The following TARS3 variants were observed in gnomAD, a reference collection of about 807,000 sequenced individuals.
TARS3 encodes the protein threonine--tRNA ligase 2, cytoplasmic.
Under a neutral mutation model 103.5 loss-of-function variants are expected in TARS3, and 94 were observed. The observed-to-expected ratio is 0.91, with a 90% CI of 0.77 to 1.08. The LOEUF (loss-of-function observed/expected upper bound fraction) is 1.08, where lower values mean the gene tolerates loss of function less well. TARS3 is among the 50% of genes least tolerant of loss of function. The probability of loss-of-function intolerance (pLI) is 0.00; values close to 1 mark genes in which losing one functional copy is unlikely to be tolerated. For missense variants in TARS3, 952 were observed against 995.2 expected (o/e 0.96, Z 0.58); for synonymous variants, 416 against 355.4 (o/e 1.17, Z -1.92).
In TARS3 at chr15:101,711,758, G is replaced by A. The variant is rs12101987; in HGVS notation, c.812+122C>T. 1.5e-3 allele frequency: 1,788 copies of A among 1,174,760 alleles called. 10 individuals carry two copies. The African/African-American group carries it at 0.02, about 13-fold the overall frequency. 72.8% of individuals were successfully genotyped at this position (1,174,760 alleles called of 1,614,324 possible). The stretch of plus-strand genomic sequence containing the variant: ...TCGGATTTTCAACTGCATGGGCGTC[G>A]GTGCCCCTAACCCCACATTATGTAA... On this transcript the variant is annotated intron_variant, in intron 5 of 18. Transcript: ENST00000335968.
chr15:101,655,890 C>A, intron 18 of TARS3: 1 of 1,288,462 alleles, frequency 7.8e-7, no homozygotes, highest in Non-Finnish European at 1.0e-6. Context: ...GAGTGGACAC[C>A]AGACCCATGC....
At chr15:101,723,188 T>A in intron 1 of TARS3, 24 bp from the exon 2 acceptor site, 2 of 1,600,078 alleles carry the variant, frequency 1.2e-6, no homozygotes, top group East Asian at 4.5e-5. Flanking sequence ...TATAAATGAC[T>A]CACATCAATG....
intron 4 of TARS3, among the ~76,000 whole-genome samples, chr15:101,712,365 G>C (rs1899911177): frequency 1.3e-5 from 2 of 152,188 alleles, no homozygotes; most frequent in South Asian, 4.1e-4. Context: ...GTAGGAGGAA[G>C]GCCGAGGAGT....
intron 10 of TARS3, among the ~76,000 whole-genome samples, chr15:101,687,060 C>T (rs556080546): frequency 2.0e-5 from 3 of 152,206 alleles, no homozygotes; most frequent in East Asian, 3.9e-4. Context: ...GCTTAGGTCT[C>T]GGCCATTCAG....
At chr15:101,715,357 G>A (rs1049887624) in intron 3 of TARS3, among the ~76,000 whole-genome samples, 6 of 151,674 alleles carry the variant, frequency 4.0e-5, no homozygotes, top group Non-Finnish European at 7.4e-5. Context: ...CGTTTTAGCC[G>A]GGATGGTCTC....
chr15:101,714,220 G>A lies in TARS3; in HGVS notation c.690+620C>T, dbSNP rs574395161. ...CCTATACATATTAAATTATAAAGTA[G>A]ACCCATTTTTAATGGCCTACTAACA... On this transcript the variant is annotated intron_variant, in intron 4 of 18. Coordinates refer to ENST00000335968, the MANE Select transcript of TARS3 (RefSeq NM_152334.3). 3.3e-5 allele frequency among the ~76,000 whole-genome samples: 5 copies of A among 152,104 alleles called. No homozygotes were observed. The South Asian group carries it at 1.0e-3, about 32-fold the overall frequency.
chr15:101,714,203 T>C (rs534633519), intron 4 of TARS3, among the ~76,000 whole-genome samples: 1 of 152,318 alleles, frequency 6.6e-6, no homozygotes, highest in African/African-American at 2.4e-5. Flanking sequence ...CTCCTATACA[T>C]ATTAAATTAT....
intron 10 of TARS3, among the ~76,000 whole-genome samples, chr15:101,695,171 T>C (rs140010534): frequency 0.01 from 1,554 of 152,332 alleles, 15 homozygotes; most frequent in Middle Eastern, 0.02. Context: ...ATTCAGTGAC[T>C]GTTGACAAAT....
At chr15:101,722,848 A>C (rs1900555818) in intron 2 of TARS3, among the ~76,000 whole-genome samples, 1 of 151,800 alleles carries the variant, frequency 6.6e-6, no homozygotes, top group Non-Finnish European at 1.5e-5. Flanking sequence ...AACCAAACAA[A>C]AAAAACCAAC....
rs1900575942 is a variant in TARS3 at position 101,723,158 on chromosome 15, G to C, written c.304C>G (p.Pro102Ala). Residue 102 changes from proline (P) to alanine (A), a missense_variant, in exon 2 of 19, where the codon CCT (proline) becomes GCT (alanine). Coordinates refer to ENST00000335968, the MANE Select transcript of TARS3 (RefSeq NM_152334.3). ...ATGTCCTTGTCTTGGCTTTGACTAG[G>C]AGGAGGCTGAAAGATAAATTATAAA... ...AAQEAGAQPP[P>A]SQSQDKDMKK... The C allele has an allele frequency of 1.9e-6, 3 of 1,613,534 alleles. No homozygotes were observed. In the African/African-American group the frequency reaches 4.0e-5, roughly 22 times the overall value.
chr15:101,682,453 T>C (rs965457301), intron 12 of TARS3, among the ~76,000 whole-genome samples: 1 of 152,184 alleles, frequency 6.6e-6, no homozygotes, highest in South Asian at 2.1e-4. Context: ...CAATGATTCA[T>C]TTTCTAATGT....
intron 6 of TARS3, among the ~76,000 whole-genome samples, chr15:101,707,645 A>G (rs907841531): frequency 2.6e-5 from 4 of 152,124 alleles, no homozygotes; most frequent in Admixed American, 2.6e-4. Flanking sequence ...TGCCTGGAGG[A>G]ACCAAATTCA....
chr15:101,654,872 ATAGT>A (rs1897140189), intron 18 of TARS3, 142 bp from the exon 19 acceptor site: 6 of 802,922 alleles, frequency 7.5e-6, no homozygotes, highest in African/African-American at 3.5e-5. Flanking sequence ...TCATCCTCTG[ATAGT>A]TAAGTTTCTT....
At position 101,668,169 on chromosome 15, in the gene TARS3, T is replaced by C. The variant is rs570520094; in HGVS notation, c.1967+3317A>G. ...TAACTGGTGCAAGAGGCCGAGCTTTTGGCCTATCTGGGCTTTCAACAGTCC... is the reference window on the plus strand; with the variant it reads ...TAACTGGTGCAAGAGGCCGAGCTTTCGGCCTATCTGGGCTTTCAACAGTCC... On this transcript the variant is annotated intron_variant, in intron 15 of 18. Transcript: ENST00000335968. Among the ~76,000 whole-genome samples, 82 of 152,232 alleles carry C rather than the reference T, an allele frequency of 5.4e-4. 1 individual carries two copies. The highest frequency in any genetic ancestry group is 1.1e-3 in the Non-Finnish European group (72 of 68,042).
chr15:101,682,327 T>G (rs1204972621), intron 12 of TARS3, among the ~76,000 whole-genome samples: 1 of 152,218 alleles, frequency 6.6e-6, no homozygotes, highest in East Asian at 1.9e-4. Flanking sequence ...AGAGTTTTTA[T>G]GAGATATGGA....
chr15:101,701,951 T>G (rs1410474386), intron 9 of TARS3, among the ~76,000 whole-genome samples: 1 of 152,188 alleles, frequency 6.6e-6, no homozygotes, highest in Non-Finnish European at 1.5e-5. Flanking sequence ...AATTTTTTTG[T>G]ATTTCTAGTA....
chr15:101,722,575 G>A (rs958353440), intron 2 of TARS3, among the ~76,000 whole-genome samples: 2 of 148,434 alleles, frequency 1.3e-5, no homozygotes, highest in African/African-American at 5.0e-5. Flanking sequence ...GGGAAGCCAA[G>A]GTGGGCGGAT....
chr15:101,718,305 T>G (rs1199468268), intron 3 of TARS3, among the ~76,000 whole-genome samples: 1 of 151,158 alleles, frequency 6.6e-6, no homozygotes, highest in African/African-American at 2.4e-5. Context: ...AGGGCGGAGG[T>G]TGTGGTGAGC....
At chr15:101,691,745 A>G (rs1898735493) in intron 10 of TARS3, among the ~76,000 whole-genome samples, 1 of 152,192 alleles carries the variant, frequency 6.6e-6, no homozygotes, top group Non-Finnish European at 1.5e-5. Flanking sequence ...TGTTAACTTT[A>G]GTCCTCATGT....
Sources: allele counts gnomAD v4.1 joint callset (sites outside exome capture counted in the v4.1 genomes callset), GRCh38; gene constraint gnomAD v4.1.1; transcripts MANE v1.5; gene names NCBI Gene and HGNC (gene_info 2026-07-23, HGNC 2026-07-21).